The following TRPM2 variants were observed in gnomAD, a reference collection of about 807,000 sequenced individuals.
The protein encoded by TRPM2 is transient receptor potential cation channel subfamily M member 2.
TRPM2 carries 161 observed loss-of-function variants against 174.0 expected under a neutral mutation model. The observed-to-expected ratio is 0.93, with a 90% CI of 0.81 to 1.05. TRPM2 has a LOEUF of 1.05. TRPM2 is among the 50% of genes least tolerant of loss of function. TRPM2 has a pLI of 0.00. For missense variants in TRPM2, 2,057 were observed against 2,038.0 expected, an observed-to-expected ratio of 1.01 and a Z score of -0.18; for synonymous variants, 954 against 861.3, an observed-to-expected ratio of 1.11 and a Z score of -1.88.
chr21:44,378,537 C>T (rs1272634585), intron 7 of TRPM2, among the ~76,000 whole-genome samples: 1 of 152,158 alleles, frequency 6.6e-6, no homozygotes, highest in African/African-American at 2.4e-5. Context: ...CGCCTCCTTA[C>T]CCCAGGCCGA....
rs1301995285 is a variant in TRPM2 at position 44,376,458 on chromosome 21, C to G, written c.952+445C>G. 6.6e-6 allele frequency among the ~76,000 whole-genome samples: 1 copy of G among 152,098 alleles called. No homozygotes were observed. The highest frequency in any genetic ancestry group is 2.4e-5 in the African/African-American group (1 of 41,416). ...AGCGCAGTGGTGTGATCTCAGCTCA[C>G]TGTAGCCTCGAACTTCTGGGCTCAA... On this transcript the variant is annotated intron_variant, in intron 6 of 31. Coordinates refer to ENST00000397928, the MANE Select transcript of TRPM2 (RefSeq NM_003307.4). This position sits in a 1 kb window ranked among gnomAD's most constrained non-coding sequence, Gnocchi z 4.2.
intron 22 of TRPM2, chr21:44,422,346 G>T (rs2050580348): frequency 8.5e-6 from 13 of 1,536,182 alleles, no homozygotes; most frequent in Admixed American, 2.0e-5. Context: ...CACGGTGGTG[G>T]AATCACGCGG....
chr21:44,362,208 A>G (rs532152649), intron 2 of TRPM2, among the ~76,000 whole-genome samples: 16 of 152,160 alleles, frequency 1.1e-4, no homozygotes, highest in African/African-American at 3.9e-4. Context: ...TTTCTTCTAC[A>G]TATATTGAAA....
At chr21:44,351,416 T>C (rs1369441859), upstream of TRPM2, among the ~76,000 whole-genome samples, 1 of 152,198 alleles carries the variant, frequency 6.6e-6, no homozygotes. Context: ...GGGCTTGGGT[T>C]TGGAAATCCA....
intron 19 of TRPM2, among the ~76,000 whole-genome samples, chr21:44,412,071 G>A (rs902542627): frequency 6.6e-6 from 1 of 152,074 alleles, no homozygotes; most frequent in Non-Finnish European, 1.5e-5. Context: ...CTTGTAATAT[G>A]TTTGCCTAGT....
intron 9 of TRPM2, among the ~76,000 whole-genome samples, chr21:44,387,139 T>C (rs974077348): frequency 6.6e-6 from 1 of 152,074 alleles, no homozygotes; most frequent in Non-Finnish European, 1.5e-5. Context: ...TGAGCTGTGA[T>C]TGCACCACTG....
Position 44,414,093 on chromosome 21 carries a change from C to G in TRPM2, c.3146+19C>G, listed in dbSNP as rs45470495. ...TGTTCAAGTGAGCGCCTGGGTGGGG[C>G]TGGCGTGCAGGTGGGTGGGTGGGCG... On this transcript the variant is annotated intron_variant, in intron 20 of 31. Coordinates refer to ENST00000397928, the MANE Select transcript of TRPM2 (RefSeq NM_003307.4). 6,526 of 1,553,996 alleles carry G rather than the reference C, an allele frequency of 4.2e-3. 236 individuals are homozygous for G. The African/African-American group carries it at 0.077, about 18-fold the overall frequency.
At position 44,410,355 on chromosome 21, in the gene TRPM2, C is replaced by A. The variant is rs2050064414; in HGVS notation, c.2963-3536C>A. On this transcript the variant is annotated intron_variant, in intron 19 of 31. Transcript: ENST00000397928. ...GACCACACTGTCTTGGTTGGTGTAG[C>A]CTTGTAGTAAGTTTTGACCACACTG... Among the ~76,000 whole-genome samples, 3 of 82,292 alleles carry A rather than the reference C, an allele frequency of 3.6e-5. 1 individual carries two copies. The South Asian group carries it at 1.2e-3, about 33-fold the overall frequency. The allele number at this position is 82,292 out of a possible 152,430, so 54.0% of individuals were successfully genotyped here. A position where few individuals can be genotyped will look rare whatever the true frequency, so the allele number is the denominator to read the frequency against.
At position 44,425,683 on chromosome 21, in the gene TRPM2, C is replaced by A; in HGVS notation, c.3651C>A (p.Ala1217=). The change falls in exon 25 of 32, where the codon GCC becomes GCA. Residue 1217 remains alanine, a synonymous_variant. Coordinates refer to ENST00000397928, the MANE Select transcript of TRPM2 (RefSeq NM_003307.4). The stretch of plus-strand genomic sequence containing the variant: ...GACTGTCCCCAGCCTCCCAGAAGGC[C>A]GCGGAGGAGCCGGATGCTGAGCCGG... ...ADVPTLASQK[A]AEEPDAEPGG... 6.5e-7 allele frequency: 1 copy of A among 1,532,342 alleles called. No individual in the cohort carries two copies. The highest frequency in any genetic ancestry group is 1.2e-5 in the South Asian group (1 of 83,658). The allele number at this position is 1,532,342 out of a possible 1,614,324, so 94.9% of individuals were successfully genotyped here.
At position 44,425,435 on chromosome 21, in the gene TRPM2, C is replaced by CCG. The variant is rs2146376696; in HGVS notation, c.3638-233_3638-232dup. On this transcript the variant is annotated intron_variant, in intron 24 of 31. Transcript: ENST00000397928. ...AGCTCATTGCCGAGGGCCCTGACTG[C>CCG]CGCTGCACAAAGAGGCAGGTGCCGG... 2.4e-5 allele frequency: 11 copies of CCG among 465,022 alleles called. No homozygotes were observed. The South Asian group carries it at 5.4e-4, about 23-fold the overall frequency. The allele number at this position is 465,022 out of a possible 1,614,324, so 28.8% of individuals were successfully genotyped here. A position where few individuals can be genotyped will look rare whatever the true frequency, so the allele number is the denominator to read the frequency against.
rs555435631 is a variant in TRPM2, at chr21:44,354,307, T to C, written c.166-341T>C. ...CAGGCAGGAGGGTGGCTGCCCTTTT[T>C]CCGATGGTGCAAGATCCAGGTCCCC... On this transcript the variant is annotated intron_variant, in intron 1 of 31. Transcript: ENST00000397928. The surrounding 1 kb of genome is among the most constrained non-coding windows in gnomAD (Gnocchi z 4.3). Among the ~76,000 whole-genome samples, 1 of 152,280 alleles carries C rather than the reference T, an allele frequency of 6.6e-6. No individual in the cohort carries two copies. Among genetic ancestry groups the C allele is most frequent in the African/African-American group, 2.4e-5 (1 of 41,562 alleles).
intron 4 of TRPM2, 171 bp from the exon 5 acceptor site, chr21:44,369,006 T>A (rs1194489470): frequency 7.7e-6 from 5 of 647,154 alleles, no homozygotes; most frequent in Non-Finnish European, 1.2e-5. Flanking sequence ...CCTGAGCGCG[T>A]GGGAACCTCG....
rs552734770 is a variant in TRPM2, at chr21:44,376,454, C to T, written c.952+441C>T. Reference sequence around the variant, plus strand: ...CTGGAGCGCAGTGGTGTGATCTCAGCTCACTGTAGCCTCGAACTTCTGGGC... The same window carrying T: ...CTGGAGCGCAGTGGTGTGATCTCAGTTCACTGTAGCCTCGAACTTCTGGGC... On this transcript the variant is annotated intron_variant, in intron 6 of 31. Transcript: ENST00000397928. The surrounding 1 kb of genome is among the most constrained non-coding windows in gnomAD (Gnocchi z 4.2). 6.6e-6 allele frequency among the ~76,000 whole-genome samples: 1 copy of T among 152,230 alleles called. No homozygotes were observed. The highest frequency in any genetic ancestry group is 2.1e-4 in the South Asian group (1 of 4,824).
At position 44,442,071 on chromosome 21, in the gene TRPM2, C is replaced by A; in HGVS notation, c.*254C>A. 1 of 423,470 alleles carries A rather than the reference C, an allele frequency of 2.4e-6. No individual in the cohort carries two copies. The highest frequency in any genetic ancestry group is 3.9e-6 in the Non-Finnish European group (1 of 254,356). 26.2% of individuals were successfully genotyped at this position (423,470 alleles called of 1,614,324 possible). A position where few individuals can be genotyped will look rare whatever the true frequency, so the allele number is the denominator to read the frequency against. On this transcript the variant is annotated 3_prime_UTR_variant, in exon 32 of 32. Coordinates refer to ENST00000397928, the MANE Select transcript of TRPM2 (RefSeq NM_003307.4). ...CTCAGAGCTGAGGGGCCCCTGGGACCCTTGGCCATCAGGCGAGGGGCTGGG... is the reference window on the plus strand; with the variant it reads ...CTCAGAGCTGAGGGGCCCCTGGGACACTTGGCCATCAGGCGAGGGGCTGGG...
At chr21:44,370,918 C>T (rs902117830) in intron 5 of TRPM2, among the ~76,000 whole-genome samples, 12 of 152,126 alleles carry the variant, frequency 7.9e-5, no homozygotes, top group South Asian at 4.1e-4. Context: ...TGGCTGCTTC[C>T]GCTCAGCCAC....
upstream of TRPM2, among the ~76,000 whole-genome samples, chr21:44,350,755 C>A (rs1463253108): frequency 6.6e-6 from 1 of 151,768 alleles, no homozygotes; most frequent in Non-Finnish European, 1.5e-5. Flanking sequence ...ACCCAGTGTG[C>A]GCAGAGGCGC....
At chr21:44,397,343 A>G (rs1306244350) in intron 12 of TRPM2, among the ~76,000 whole-genome samples, 1 of 152,124 alleles carries the variant, frequency 6.6e-6, no homozygotes, top group African/African-American at 2.4e-5. Context: ...GGCCCAGGAA[A>G]GGAATTTTTA....
At chr21:44,397,177 A>G (rs1359696046) in intron 12 of TRPM2, among the ~76,000 whole-genome samples, 1 of 151,764 alleles carries the variant, frequency 6.6e-6, no homozygotes, top group African/African-American at 2.4e-5. Context: ...TAACTAGAAC[A>G]ACAGGCATGT....
intron 8 of TRPM2, 95 bp from the exon 9 acceptor site, chr21:44,382,623 C>A (rs991726955): frequency 3.3e-6 from 4 of 1,207,634 alleles, no homozygotes; most frequent in Admixed American, 2.0e-5. Context: ...GGACCCAAGG[C>A]TCTGGCTGTG....
Sources: allele counts gnomAD v4.1 joint callset (sites outside exome capture counted in the v4.1 genomes callset), GRCh38; gene constraint gnomAD v4.1.1; non-coding constraint Gnocchi (gnomAD v3.1); transcripts MANE v1.5; gene names NCBI Gene and HGNC (gene_info 2026-07-23, HGNC 2026-07-21).